Variants in ARMC10 observed in about 807,000 individuals in gnomAD.
ARMC10 encodes armadillo repeat-containing protein 10.
A neutral mutation model predicts 30.2 loss-of-function variants in ARMC10; 23 were observed. The observed-to-expected ratio is 0.76, with a 90% CI of 0.55 to 1.08. The LOEUF is 1.08. Ranked by LOEUF, ARMC10 falls within the 50% of genes least tolerant of loss-of-function variation. ARMC10 has a pLI of 0.00. For missense variants in ARMC10, 303 were observed against 413.7 expected (o/e 0.73, Z 2.32); for synonymous variants, 111 against 164.4 (o/e 0.68, Z 2.48).
chr7:103,075,756 TAGGTC>T lies in ARMC10; in HGVS notation c.140-19_140-15del. 1 of 1,579,616 alleles carries T rather than the reference TAGGTC, an allele frequency of 6.3e-7. No homozygotes were observed. Among genetic ancestry groups the T allele is most frequent in the East Asian group, 2.3e-5 (1 of 43,482 alleles). ...AGGGCTGTTGAGGGGCCCAGAGCCA[TAGGTC>T]AATCTCTGCTTGCAGGTGCCCTGGA... On this transcript the variant is annotated splice_polypyrimidine_tract_variant and intron_variant, in intron 1 of 6. Coordinates refer to ENST00000323716, the MANE Select transcript of ARMC10 (RefSeq NM_031905.5).
intron 4 of ARMC10, among the ~76,000 whole-genome samples, chr7:103,091,742 C>T (rs1801354822): frequency 6.6e-6 from 1 of 152,132 alleles, no homozygotes; most frequent in Non-Finnish European, 1.5e-5. Context: ...CAGTTGAAAC[C>T]GAAAGGTGGA....
Position 103,075,342 on chromosome 7 carries a change from A to C in ARMC10, c.70A>C (p.Ile24Leu), listed in dbSNP as rs562693780. 81 of 1,261,828 alleles carry C rather than the reference A, an allele frequency of 6.4e-5. No homozygotes were observed. The highest frequency in any genetic ancestry group is 7.8e-5 in the Non-Finnish European group (78 of 1,002,926). The allele number at this position is 1,261,828 out of a possible 1,614,324, so 78.2% of individuals were successfully genotyped here. A position where few individuals can be genotyped will look rare whatever the true frequency, so the allele number is the denominator to read the frequency against. Residue 24 changes from isoleucine to leucine, a missense_variant, in exon 1 of 7, where the codon ATT becomes CTT. Physicochemically the swap from Ile to Leu is conservative, Grantham distance 5. Coordinates refer to ENST00000323716, the MANE Select transcript of ARMC10 (RefSeq NM_031905.5). ...LLLGAGACYC[I>L]YRLTRGRRRG... ...GCTCGGCGCGGGCGCCTGCTACTGC[A>C]TTTACAGGCTGACCCGGGGTCGGCG...
chr7:103,092,455 C>T (rs1801428658), intron 4 of ARMC10, 22 bp from the exon 5 acceptor site: 2 of 1,523,268 alleles, frequency 1.3e-6, no homozygotes, highest in African/African-American at 1.4e-5. Flanking sequence ...CTAAGATGCT[C>T]ATTTTCCTCC....
chr7:103,085,152 G>T (rs1263296042), intron 3 of ARMC10, among the ~76,000 whole-genome samples: 1 of 29,406 alleles, frequency 3.4e-5, no homozygotes. Context: ...AAAATAAGTT[G>T]TAGTCAGAGT....
chr7:103,085,296 C>G (rs1027324548), intron 3 of ARMC10, among the ~76,000 whole-genome samples: 1 of 151,824 alleles, frequency 6.6e-6, no homozygotes, highest in African/African-American at 2.4e-5. Context: ...AACTGCAAGT[C>G]CTTCGAAAGA....
intron 3 of ARMC10, 144 bp downstream of exon 3, chr7:103,083,974 T>G: frequency 6.8e-7 from 1 of 1,467,108 alleles, no homozygotes; most frequent in South Asian, 1.3e-5. Flanking sequence ...ACATAATGTT[T>G]GTTTACTTCT....
rs1563328991 is a variant in ARMC10, at chr7:103,092,530, T to C, written c.582T>C (p.Ala194=). ...TCTTCTCTGGTCCTCTGAACTCTGC[T>C]GTGCAGCTGGCTGGACTGACATTGT... ...EDVFSGPLNS[A]VQLAGLTLLT... is the part of the protein sequence containing the mutation. Residue 194 remains alanine, a synonymous_variant, in exon 5 of 7, where the codon GCT becomes GCC. Coordinates refer to ENST00000323716, the MANE Select transcript of ARMC10 (RefSeq NM_031905.5). 1 of 1,609,370 alleles carries C rather than the reference T, an allele frequency of 6.2e-7. No individual in the cohort carries two copies. Among genetic ancestry groups the C allele is most frequent in the Non-Finnish European group, 8.5e-7 (1 of 1,176,094 alleles).
At chr7:103,083,040 A>G (rs1338490563) in intron 2 of ARMC10, 3 of 456,610 alleles carry the variant, frequency 6.6e-6, no homozygotes, top group Non-Finnish European at 1.3e-5. Context: ...AATGCAAATC[A>G]TATTTCCTAA....
chr7:103,087,854 C>G, intron 4 of ARMC10: 1 of 870,168 alleles, frequency 1.1e-6, no homozygotes, highest in Non-Finnish European at 1.4e-6. Context: ...ATTTAATTTT[C>G]TACAGAATTA....
rs1401036844 is a variant in ARMC10 at position 103,092,354 on chromosome 7, C to T, written c.529-123C>T. The T allele has an allele frequency of 1.1e-5, 4 of 364,072 alleles. 1 individual carries two copies. The Middle Eastern group carries it at 2.2e-3, about 201-fold the overall frequency. 22.6% of individuals were successfully genotyped at this position (364,072 alleles called of 1,614,324 possible). A position where few individuals can be genotyped will look rare whatever the true frequency, so the allele number is the denominator to read the frequency against. On this transcript the variant is annotated intron_variant, in intron 4 of 6. Coordinates refer to ENST00000323716, the MANE Select transcript of ARMC10 (RefSeq NM_031905.5). ...TCAAAAAAAAAAAAAAAAAAAAAGT[C>T]GTATTTTTTGAGGAGTCGGTTCCAT...
At chr7:103,094,847 G>C (rs1483583796) in intron 5 of ARMC10, among the ~76,000 whole-genome samples, 1 of 152,190 alleles carries the variant, frequency 6.6e-6, no homozygotes, top group East Asian at 1.9e-4. Flanking sequence ...AATGTTACCA[G>C]TGGACACTGC....
chr7:103,078,568 C>T (rs1800101810), intron 2 of ARMC10, among the ~76,000 whole-genome samples: 1 of 152,202 alleles, frequency 6.6e-6, no homozygotes, highest in South Asian at 2.1e-4. Flanking sequence ...TTATAAATTA[C>T]CCAGTCTCGG....
chr7:103,086,765 G>C lies in ARMC10; in HGVS notation c.528+1G>C, dbSNP rs375656400. The C allele has an allele frequency of 6.0e-5, 95 of 1,583,034 alleles. No individual in the cohort carries two copies. The highest frequency in any genetic ancestry group is 8.0e-5 in the Non-Finnish European group (93 of 1,168,542). The stretch of plus-strand genomic sequence containing the variant: ...TGTTGAAAATCAAATCAAGATAAAG[G>C]TAAGTTGACTGAAAATCACAAATGT... On this transcript the variant is annotated splice_donor_variant, in intron 4 of 6. Transcript: ENST00000323716. LOFTEE classifies it high-confidence loss of function.
At chr7:103,082,852 TC>T (rs528110944) in intron 2 of ARMC10, among the ~76,000 whole-genome samples, 140 of 152,340 alleles carry the variant, frequency 9.2e-4, no homozygotes, top group African/African-American at 3.0e-3. Flanking sequence ...CATTTGGCTA[TC>T]CTAGCTCTTC....
At chr7:103,083,890 G>T in intron 3 of ARMC10, 60 bp downstream of exon 3, 1 of 1,575,728 alleles carries the variant, frequency 6.3e-7, no homozygotes, top group South Asian at 1.1e-5. Flanking sequence ...CGGTAATTGT[G>T]ACCCTGAATA....
At chr7:103,087,044 C>T (rs2129522797) in intron 4 of ARMC10, 1 of 644,972 alleles carries the variant, frequency 1.6e-6, no homozygotes, top group Non-Finnish European at 2.2e-6. Flanking sequence ...AGGCTATAGG[C>T]ACCAACCAAA....
intron 3 of ARMC10, among the ~76,000 whole-genome samples, chr7:103,085,606 C>CTTTTT (rs10581217): frequency 1.1e-4 from 15 of 130,582 alleles, no homozygotes; most frequent in African/African-American, 4.2e-4. Flanking sequence ...CATTTCTCTT[C>CTTTTT]TTTTTTTTTT....
At position 103,083,677 on chromosome 7, in the gene ARMC10, T is replaced by G. The variant is rs373570258; in HGVS notation, c.245-5T>G. ...TTAACTTCAAATAACTTTCTTCTTA[T>G]GCAGAAGACTTAACTGATGGTTCAT... On this transcript the variant is annotated splice_region_variant and splice_polypyrimidine_tract_variant and intron_variant, in intron 2 of 6. Transcript: ENST00000323716. The G allele has an allele frequency of 1.6e-5, 25 of 1,600,334 alleles. No homozygotes were observed. In the African/African-American group the frequency reaches 3.1e-4, roughly 20 times the overall value.
In ARMC10 at chr7:103,076,833, TCAAAAAA is replaced by T. The variant is rs113254291; in HGVS notation, c.244+964_244+970del. On this transcript the variant is annotated intron_variant, in intron 2 of 6. Coordinates refer to ENST00000323716, the MANE Select transcript of ARMC10 (RefSeq NM_031905.5). ...TTGTGCGACAGAGCAAGATTCTGTC[TCAAAAAA>T]CAAAAAACAAACAAAAAGATTTACA... Among the ~76,000 whole-genome samples the T allele has an allele frequency of 6.1e-3, 253 of 41,816 alleles. 3 individuals are homozygous for T. The highest frequency in any genetic ancestry group is 0.045 in the Admixed American group (107 of 2,372). The allele number at this position is 41,816 out of a possible 152,430, so 27.4% of individuals were successfully genotyped here.
Sources: allele counts gnomAD v4.1 joint callset (sites outside exome capture counted in the v4.1 genomes callset), GRCh38; gene constraint gnomAD v4.1.1; transcripts MANE v1.5; gene names NCBI Gene and HGNC (gene_info 2026-07-23, HGNC 2026-07-21).